Variants in LIN28B observed in about 807,000 individuals in gnomAD.
LIN28B encodes the protein lin-28 RNA binding posttranscriptional regulator B.
LIN28B carries 5 observed loss-of-function variants against 21.9 expected under a neutral mutation model. The observed-to-expected ratio is 0.23, with a 90% CI of 0.12 to 0.48. The LOEUF is 0.48. LIN28B is among the 20% of genes least tolerant of loss of function. The probability of loss-of-function intolerance (pLI) is 0.98; values close to 1 mark genes in which losing one functional copy is unlikely to be tolerated. For synonymous variants in LIN28B, 109 were observed against 111.3 expected (o/e 0.98, Z 0.13); for missense variants, 245 against 310.5 (o/e 0.79, Z 1.58).
intron 2 of LIN28B, among the ~76,000 whole-genome samples, chr6:104,949,839 A>G (rs1173606395): frequency 1.3e-5 from 2 of 152,202 alleles, no homozygotes; most frequent in Admixed American, 6.5e-5. Context: ...ATTTACTCAT[A>G]TTTAAAAAAT....
At chr6:105,020,107 C>CTTTTTTTT (rs1158938023) in intron 2 of LIN28B, among the ~76,000 whole-genome samples, 673 of 87,344 alleles carry the variant, frequency 7.7e-3, no homozygotes, top group East Asian at 0.011. Flanking sequence ...TCCTGTTATT[C>CTTTTTTTT]TTTTTTTTTT....
chr6:105,021,272 T>A (rs2114328000), intron 2 of LIN28B, among the ~76,000 whole-genome samples: 1 of 152,316 alleles, frequency 6.6e-6, no homozygotes, highest in Middle Eastern at 3.4e-3. Flanking sequence ...TATCCACTCA[T>A]CCATTGATAA....
At chr6:105,042,411 G>A (rs968990610) in intron 3 of LIN28B, among the ~76,000 whole-genome samples, 8 of 152,020 alleles carry the variant, frequency 5.3e-5, no homozygotes, top group African/African-American at 7.3e-5. Context: ...TCCTTTCTTC[G>A]TGTGTTTAGA....
At chr6:104,947,275 C>A (rs1430959429) in intron 2 of LIN28B, among the ~76,000 whole-genome samples, 1 of 152,080 alleles carries the variant, frequency 6.6e-6, no homozygotes. Flanking sequence ...CAGGCATGCA[C>A]GACCACGCCT....
intron 3 of LIN28B, among the ~76,000 whole-genome samples, chr6:105,029,742 T>C (rs537585428): frequency 6.6e-6 from 1 of 152,338 alleles, no homozygotes; most frequent in South Asian, 2.1e-4. Context: ...CCAGCCATTG[T>C]TGACTTCATG....
chr6:104,957,907 TC>T (rs918185300), intron 1 of LIN28B, among the ~76,000 whole-genome samples, 191 bp from the exon 2 acceptor site: 1 of 151,820 alleles, frequency 6.6e-6, no homozygotes, highest in Non-Finnish European at 1.5e-5. Flanking sequence ...GGCTTCCCCC[TC>T]CCCCGCTTTC....
At chr6:105,011,150 C>T in intron 2 of LIN28B, among the ~76,000 whole-genome samples, 1 of 152,012 alleles carries the variant, frequency 6.6e-6, no homozygotes. Flanking sequence ...TGCTTACTGC[C>T]CATTACAAAA....
intron 3 of LIN28B, among the ~76,000 whole-genome samples, chr6:105,041,676 T>C (rs1429007855): frequency 6.6e-6 from 1 of 152,210 alleles, no homozygotes; most frequent in Non-Finnish European, 1.5e-5. Context: ...GTTACACAAA[T>C]GAACTCATCA....
chr6:104,963,113 T>C (rs1432403087), intron 2 of LIN28B, among the ~76,000 whole-genome samples: 1 of 152,170 alleles, frequency 6.6e-6, no homozygotes, highest in African/African-American at 2.4e-5. Context: ...AGTGGCGCGA[T>C]CTCTGCTCAC....
intron 2 of LIN28B, among the ~76,000 whole-genome samples, chr6:105,006,237 G>A (rs772865680): frequency 6.6e-5 from 10 of 152,134 alleles, no homozygotes; most frequent in Non-Finnish European, 1.5e-4. Context: ...AACACCAAGT[G>A]GCCATAATTC....
intron 3 of LIN28B, among the ~76,000 whole-genome samples, chr6:105,047,268 A>G (rs974078277): frequency 2.6e-5 from 4 of 152,224 alleles, no homozygotes; most frequent in African/African-American, 9.6e-5. Context: ...CATTTATTAA[A>G]TAGGGAATCC....
intron 2 of LIN28B, among the ~76,000 whole-genome samples, chr6:104,971,079 G>C (rs556405635): frequency 1.3e-5 from 2 of 152,024 alleles, no homozygotes; most frequent in Non-Finnish European, 2.9e-5. Flanking sequence ...CTATTTTAGT[G>C]AACAGTATAA....
intron 3 of LIN28B, among the ~76,000 whole-genome samples, chr6:105,074,898 G>A (rs1009500036): frequency 1.3e-5 from 2 of 152,040 alleles, no homozygotes; most frequent in Non-Finnish European, 2.9e-5. Flanking sequence ...GTAGAGACAG[G>A]GTTTTGCCAT....
chr6:104,982,268 T>C (rs912806421), intron 2 of LIN28B, among the ~76,000 whole-genome samples: 1 of 150,808 alleles, frequency 6.6e-6, no homozygotes, highest in Non-Finnish European at 1.5e-5. Context: ...GATCTGAGAT[T>C]GCGCCATTGC....
intron 2 of LIN28B, among the ~76,000 whole-genome samples, chr6:104,947,442 A>G (rs1778169323): frequency 6.6e-6 from 1 of 152,182 alleles, no homozygotes; most frequent in Non-Finnish European, 1.5e-5. Flanking sequence ...TGAGTGAATT[A>G]CAATATATAA....
chr6:105,023,603 A>T (rs769969775), intron 2 of LIN28B, among the ~76,000 whole-genome samples: 226 of 10,956 alleles, frequency 0.021, 1 homozygote, highest in Non-Finnish European at 0.025. Context: ...TTATATATAT[A>T]AAATATATAA....
intron 2 of LIN28B, among the ~76,000 whole-genome samples, chr6:104,941,643 G>A (rs1778096395): frequency 6.6e-6 from 1 of 152,018 alleles, no homozygotes; most frequent in Non-Finnish European, 1.5e-5. Context: ...CCGGGCAGGC[G>A]TCGGGGATCG....
At chr6:105,044,395 A>T (rs929319746) in intron 3 of LIN28B, among the ~76,000 whole-genome samples, 3 of 152,132 alleles carry the variant, frequency 2.0e-5, no homozygotes, top group Non-Finnish European at 4.4e-5. Flanking sequence ...CTGAGATATT[A>T]TTATAGCTAT....
chr6:105,073,944 CA>C (rs1227174652), intron 3 of LIN28B, among the ~76,000 whole-genome samples: 1 of 152,116 alleles, frequency 6.6e-6, no homozygotes, highest in Non-Finnish European at 1.5e-5. Flanking sequence ...AAAATGCAAA[CA>C]TTTTTAATGG....
Sources: gnomAD v4.1 joint callset for allele counts (sites outside exome capture counted in the v4.1 genomes callset) on GRCh38, gnomAD v4.1.1 for gene constraint, MANE v1.5 for transcripts, NCBI Gene and HGNC (gene_info 2026-07-23, HGNC 2026-07-21) for gene names.